POLR1E: variants seen among roughly 807,000 people sequenced by gnomAD.
POLR1E encodes RNA polymerase I subunit E.
POLR1E carries 37 observed loss-of-function variants against 50.9 expected under a neutral mutation model. The ratio of observed to expected loss-of-function variants is 0.73; its 90% CI spans 0.56 to 0.96. The LOEUF (loss-of-function observed/expected upper bound fraction) is 0.96. POLR1E is among the 40% of genes least tolerant of loss of function. The pLI is 0.00. For synonymous variants in POLR1E, 166 were observed against 191.6 expected (o/e 0.87, Z 1.10); for missense variants, 426 against 518.1 (o/e 0.82, Z 1.73).
intron 4 of POLR1E, 96 bp from the exon 5 acceptor site, chr9:37,492,558 CTAT>C: frequency 8.6e-7 from 1 of 1,168,754 alleles, no homozygotes; most frequent in Non-Finnish European, 1.2e-6. Flanking sequence ...GTAAAGAAAT[CTAT>C]TATTCTTAGA....
At chr9:37,486,167 C>G (rs752799397) in intron 1 of POLR1E, 44 bp downstream of exon 1, 4 of 1,534,376 alleles carry the variant, frequency 2.6e-6, no homozygotes, top group Non-Finnish European at 3.5e-6. Flanking sequence ...AACCCTCTCC[C>G]CTTCCGTCTC....
At chr9:37,487,832 G>A (rs1242283524) in intron 2 of POLR1E, 31 bp from the exon 3 acceptor site, 1 of 1,599,076 alleles carries the variant, frequency 6.3e-7, no homozygotes, top group Admixed American at 1.7e-5. Flanking sequence ...AACATTGGTT[G>A]TAAATGGAGT....
chr9:37,502,221 G>T (rs981116421), intron 11 of POLR1E, among the ~76,000 whole-genome samples: 1 of 152,188 alleles, frequency 6.6e-6, no homozygotes, highest in Admixed American at 6.5e-5. Context: ...TCTCTGAATT[G>T]CTGTCACAGG....
chr9:37,487,199 G>T (rs1487751208), intron 2 of POLR1E, among the ~76,000 whole-genome samples: 3 of 152,188 alleles, frequency 2.0e-5, no homozygotes, highest in Non-Finnish European at 4.4e-5. Context: ...GCACCAGAGT[G>T]GATTTCCCTG....
chr9:37,490,569 T>G, intron 4 of POLR1E: 1 of 724,416 alleles, frequency 1.4e-6, no homozygotes, highest in Non-Finnish European at 2.5e-6. Flanking sequence ...TTTCTAATCA[T>G]CTTTCTTCAC....
In POLR1E at chr9:37,498,122, T is replaced by A; in HGVS notation, c.784T>A (p.Ser262Thr). ...CACCTTTGTCATAGAAGCGTTGAAG[T>A]CTTTGCCATCAGATGTGGAGAGCCG... ...HCTFVIEALKSLPSDVESRDR... is the reference protein window; with the variant it reads ...HCTFVIEALKTLPSDVESRDR... Residue 262 changes from serine (S) to threonine (T), a missense_variant, in exon 9 of 12, where the codon TCT (serine) becomes ACT (threonine). Ser to Thr is a moderately conservative substitution (Grantham distance 58, BLOSUM62 1). Coordinates refer to ENST00000377798, the MANE Select transcript of POLR1E (RefSeq NM_022490.4). 1 of 1,614,146 alleles carries A rather than the reference T, an allele frequency of 6.2e-7. No homozygotes were observed. The highest frequency in any genetic ancestry group is 2.2e-5 in the East Asian group (1 of 44,890).
intron 9 of POLR1E, among the ~76,000 whole-genome samples, chr9:37,500,342 A>G (rs1027552291): frequency 6.6e-6 from 1 of 150,534 alleles, no homozygotes; most frequent in African/African-American, 2.5e-5. Context: ...GCGCCACCAT[A>G]CCTGGCTAAT....
intron 10 of POLR1E, 110 bp downstream of exon 10, chr9:37,501,031 GA>G: frequency 9.5e-7 from 1 of 1,049,774 alleles, no homozygotes; most frequent in South Asian, 1.6e-5. Flanking sequence ...ATGCAGTGCT[GA>G]AAAGACTGCT....
At chr9:37,496,241 G>A (rs1820783671) in intron 8 of POLR1E, among the ~76,000 whole-genome samples, 1 of 152,160 alleles carries the variant, frequency 6.6e-6, no homozygotes, top group Admixed American at 6.5e-5. Flanking sequence ...TCTGGGGCTG[G>A]GAACTAGAGC....
chr9:37,501,588 C>T, intron 10 of POLR1E, 125 bp from the exon 11 acceptor site: 1 of 1,218,572 alleles, frequency 8.2e-7, no homozygotes, highest in Non-Finnish European at 1.1e-6. Context: ...CATTCCTTTT[C>T]CTTTCCTGAA....
intron 4 of POLR1E, chr9:37,492,383 A>C: frequency 1.8e-6 from 2 of 1,142,008 alleles, no homozygotes; most frequent in Non-Finnish European, 2.4e-6. Context: ...GGGGCAAGTA[A>C]TTTCATCTGT....
At chr9:37,502,794 A>G (rs539518793) in intron 11 of POLR1E, among the ~76,000 whole-genome samples, 5 of 152,328 alleles carry the variant, frequency 3.3e-5, no homozygotes, top group South Asian at 2.1e-4. Flanking sequence ...ACGGGGCTGT[A>G]GATACCCTGG....
chr9:37,493,801 A>G (rs1192444895), intron 6 of POLR1E, 98 bp downstream of exon 6: 2 of 1,294,100 alleles, frequency 1.5e-6, no homozygotes, highest in Non-Finnish European at 2.0e-6. Context: ...GCTGGGAGCT[A>G]GGGCTGGATT....
At chr9:37,489,272 T>C (rs758917011) in intron 3 of POLR1E, 43 bp from the exon 4 acceptor site, 1 of 1,433,802 alleles carries the variant, frequency 7.0e-7, no homozygotes, top group Non-Finnish European at 9.6e-7. Context: ...AATAATGCTT[T>C]TGAATAATCC....
rs548423620 is a variant in POLR1E at position 37,485,958 on chromosome 9, C to G, written c.-90C>G. 14 of 1,507,076 alleles carry G rather than the reference C, an allele frequency of 9.3e-6. No homozygotes were observed. In the African/African-American group the frequency reaches 1.7e-4, roughly 18 times the overall value. 93.4% of individuals were successfully genotyped at this position (1,507,076 alleles called of 1,614,324 possible). A position where few individuals can be genotyped will look rare whatever the true frequency, so the allele number is the denominator to read the frequency against. ...CCGGCGGGGCCACGCCTTTTCCGGCCCGCAGCGCGGCCTGGGCTCCCGCGT... is the reference window on the plus strand; with the variant it reads ...CCGGCGGGGCCACGCCTTTTCCGGCGCGCAGCGCGGCCTGGGCTCCCGCGT... On this transcript the variant is annotated 5_prime_UTR_variant, in exon 1 of 12. Transcript: ENST00000377798.
intron 1 of POLR1E, 162 bp from the exon 2 acceptor site, chr9:37,486,541 T>C (rs776973432): frequency 6.3e-7 from 1 of 1,576,822 alleles, no homozygotes; most frequent in South Asian, 1.1e-5. Context: ...TCTTCTCAGC[T>C]GGCCCCGGAT....
intron 9 of POLR1E, among the ~76,000 whole-genome samples, chr9:37,499,482 C>T (rs1319507156): frequency 6.6e-6 from 1 of 152,142 alleles, no homozygotes; most frequent in Non-Finnish European, 1.5e-5. Context: ...TAATGTGGGA[C>T]ATGACTGTAT....
intron 4 of POLR1E, among the ~76,000 whole-genome samples, chr9:37,490,079 A>G (rs112689426): frequency 0.023 from 3,547 of 152,298 alleles, 136 homozygotes; most frequent in African/African-American, 0.08. Context: ...TCTTTTCCAT[A>G]AAAGAACTTC....
Sources: allele counts gnomAD v4.1 joint callset (sites outside exome capture counted in the v4.1 genomes callset), GRCh38; gene constraint gnomAD v4.1.1; transcripts MANE v1.5; gene names NCBI Gene and HGNC (gene_info 2026-07-23, HGNC 2026-07-21).